Variants in XRRA1 observed in about 807,000 individuals in gnomAD.
XRRA1 encodes the protein X-ray radiation resistance-associated protein 1.
Under a neutral mutation model 80.2 loss-of-function variants are expected in XRRA1, and 69 were observed. The observed-to-expected ratio is 0.86, with a 90% CI of 0.71 to 1.05. The LOEUF is 1.05. XRRA1 is among the 50% of genes least tolerant of loss of function. The pLI is 0.00. For synonymous variants in XRRA1, 348 were observed against 389.9 expected (o/e 0.89, Z 1.27); for missense variants, 967 against 976.4 (o/e 0.99, Z 0.13).
intron 6 of XRRA1, among the ~76,000 whole-genome samples, chr11:74,927,932 A>G (rs1410060215): frequency 6.6e-6 from 1 of 152,238 alleles, no homozygotes; most frequent in Admixed American, 6.5e-5. Context: ...TCTCATGTAT[A>G]TATCAAAATA....
intron 17 of XRRA1, 100 bp downstream of exon 17, chr11:74,844,068 G>T: frequency 6.9e-7 from 1 of 1,455,994 alleles, no homozygotes; most frequent in East Asian, 2.3e-5. Flanking sequence ...GGGGGTGCTG[G>T]GAAAGCATGG....
intron 1 of XRRA1, among the ~76,000 whole-genome samples, chr11:74,946,623 G>A (rs1463689221): frequency 6.6e-6 from 1 of 152,184 alleles, no homozygotes; most frequent in Non-Finnish European, 1.5e-5. Context: ...ATAGCAGTGT[G>A]AAAATGGACT....
At chr11:74,909,039 C>T (rs77686898) in intron 8 of XRRA1, among the ~76,000 whole-genome samples, 4,519 of 152,238 alleles carry the variant, frequency 0.03, 64 homozygotes, top group Non-Finnish European at 0.038. Flanking sequence ...CCCTCAGGCA[C>T]GGCTGTGAGA....
intron 10 of XRRA1, 177 bp from the exon 11 acceptor site, chr11:74,863,198 G>A (rs1029459606): frequency 1.5e-6 from 1 of 677,618 alleles, no homozygotes; most frequent in Non-Finnish European, 2.7e-6. Flanking sequence ...CATGCATCAG[G>A]TAATAAGTCC....
intron 6 of XRRA1, 22 bp from the exon 7 acceptor site, chr11:74,927,510 A>T (rs1385886957): frequency 2.0e-6 from 3 of 1,481,898 alleles, no homozygotes; most frequent in Non-Finnish European, 2.8e-6. Flanking sequence ...AGAGAAAGAG[A>T]GAGTCTGCAG....
At chr11:74,846,174 C>CTACAG (rs1359107635) in intron 15 of XRRA1, 1 of 152,008 alleles carries the variant, frequency 6.6e-6, no homozygotes, top group Non-Finnish European at 1.5e-5. Flanking sequence ...AGCCATTGCA[C>CTACAG]TACAGCCTGG....
At chr11:74,921,661 A>C (rs1330425239) in intron 7 of XRRA1, among the ~76,000 whole-genome samples, 1 of 152,076 alleles carries the variant, frequency 6.6e-6, no homozygotes, top group African/African-American at 2.4e-5. Context: ...ATGTATCCTA[A>C]TCCAAGCCCC....
intron 10 of XRRA1, among the ~76,000 whole-genome samples, chr11:74,883,108 G>T (rs2048105239): frequency 6.6e-6 from 1 of 152,208 alleles, no homozygotes; most frequent in Non-Finnish European, 1.5e-5. Flanking sequence ...CCCTCCCCCA[G>T]CCTCGCTGCC....
chr11:74,947,992 C>T (rs575357727), intron 1 of XRRA1, among the ~76,000 whole-genome samples: 162 of 152,130 alleles, frequency 1.1e-3, no homozygotes, highest in Middle Eastern at 3.4e-3. Flanking sequence ...GGATTACAAC[C>T]ATGAGCCCCC....
chr11:74,897,053 CAG>C lies in XRRA1; in HGVS notation c.1003+9184_1003+9185del, dbSNP rs1030113749. ...GCACCAGGGACCAATCCTGGAGAAA[CAG>C]AGATGTATGACCTTTCAGACAGAGA... On this transcript the variant is annotated intron_variant, in intron 10 of 18. Coordinates refer to ENST00000684022, the MANE Select transcript of XRRA1 (RefSeq NM_001378157.1). 3.4e-4 allele frequency among the ~76,000 whole-genome samples: 51 copies of C among 152,048 alleles called. 2 individuals carry two copies. The highest frequency in any genetic ancestry group is 5.9e-5 in the Non-Finnish European group (4 of 68,012).
rs537781912 is a variant in XRRA1, at chr11:74,861,282, G to A, written c.1044+1699C>T. Among the ~76,000 whole-genome samples, 290 of 152,366 alleles carry A rather than the reference G, an allele frequency of 1.9e-3. 2 individuals are homozygous for A. Among genetic ancestry groups the A allele is most frequent in the Middle Eastern group, 0.01 (3 of 294 alleles). ...TGTTGGGAACTGGGCCGCACAGCAGGAAGTGAGCAGTGGGTGAGTGAACAA... is the reference window on the plus strand; with the variant it reads ...TGTTGGGAACTGGGCCGCACAGCAGAAAGTGAGCAGTGGGTGAGTGAACAA... On this transcript the variant is annotated intron_variant, in intron 11 of 18. Coordinates refer to ENST00000684022, the MANE Select transcript of XRRA1 (RefSeq NM_001378157.1).
At chr11:74,893,013 C>G (rs1336602783) in intron 10 of XRRA1, among the ~76,000 whole-genome samples, 1 of 152,132 alleles carries the variant, frequency 6.6e-6, no homozygotes, top group East Asian at 1.9e-4. Flanking sequence ...CCTCAGGGAT[C>G]TAGAACTAGA....
chr11:74,930,671 A>G (rs540472562), intron 5 of XRRA1, among the ~76,000 whole-genome samples: 2 of 152,296 alleles, frequency 1.3e-5, no homozygotes, highest in African/African-American at 4.8e-5. Context: ...GCTTTAAATA[A>G]ATTTCCTTAA....
At chr11:74,924,775 A>G (rs1421589902) in intron 7 of XRRA1, among the ~76,000 whole-genome samples, 1 of 152,180 alleles carries the variant, frequency 6.6e-6, no homozygotes, top group African/African-American at 2.4e-5. Context: ...GGAGGTTGCA[A>G]TAAGCTGAGA....
intron 10 of XRRA1, chr11:74,864,019 T>C (rs962949700): frequency 1.3e-5 from 2 of 152,126 alleles, no homozygotes; most frequent in East Asian, 1.9e-4. Flanking sequence ...TGATTGAGGA[T>C]TGTTACACAA....
At chr11:74,912,744 T>G (rs1446056956) in intron 8 of XRRA1, among the ~76,000 whole-genome samples, 1 of 152,260 alleles carries the variant, frequency 6.6e-6, no homozygotes, top group Non-Finnish European at 1.5e-5. Flanking sequence ...ATTCAGTTCC[T>G]ATTTACATTT....
chr11:74,927,063 C>T (rs1239987978), intron 7 of XRRA1, among the ~76,000 whole-genome samples: 1 of 151,666 alleles, frequency 6.6e-6, no homozygotes, highest in Non-Finnish European at 1.5e-5. Context: ...CAAAATTCTC[C>T]CTCCTTCAAT....
In XRRA1 at chr11:74,843,287, C is replaced by T. The variant is rs751151738; in HGVS notation, c.2316G>A (p.Leu772=). 3.8e-6 allele frequency: 6 copies of T among 1,592,054 alleles called. No homozygotes were observed. The South Asian group carries it at 4.6e-5, about 12-fold the overall frequency. ...TTPLPMACPA[L]SESQPKFGHF... ...GGCCGAACTTGGGCTGGCTCTCACT[C>T]AGCGCTGGGCAGGCCATGGGGAGCG... The change falls in exon 19 of 19, where the codon CTG becomes CTA. Residue 772 remains leucine, a synonymous_variant. Coordinates refer to ENST00000684022, the MANE Select transcript of XRRA1 (RefSeq NM_001378157.1).
Position 74,859,382 on chromosome 11 carries a change from C to T in XRRA1, c.1045-99G>A, listed in dbSNP as rs2041846774. 7.3e-6 allele frequency: 10 copies of T among 1,366,348 alleles called. No individual in the cohort carries two copies. The South Asian group carries it at 1.1e-4, about 15-fold the overall frequency. The allele number at this position is 1,366,348 out of a possible 1,614,324, so 84.6% of individuals were successfully genotyped here. On this transcript the variant is annotated intron_variant, in intron 11 of 18. Transcript: ENST00000684022. ...CAATGGAACAGGGTGGAATGAATGA[C>T]CTTCCTAGAGAGACTTGGCCAAAAG...
Sources: gnomAD v4.1 joint callset for allele counts (sites outside exome capture counted in the v4.1 genomes callset) on GRCh38, gnomAD v4.1.1 for gene constraint, MANE v1.5 for transcripts, NCBI Gene and HGNC (gene_info 2026-07-23, HGNC 2026-07-21) for gene names.